RERE: variants seen among roughly 807,000 people sequenced by gnomAD.
The protein encoded by RERE is arginine-glutamic acid dipeptide repeats.
RERE carries 40 observed loss-of-function variants against 146.1 expected under a neutral mutation model. The observed-to-expected ratio is 0.27, with a 90% CI of 0.21 to 0.36. The LOEUF is 0.36. RERE is among the 10% of genes least tolerant of loss of function. RERE has a pLI of 1.00. For missense variants in RERE, 1,933 were observed against 2,138.7 expected (o/e 0.90, Z 1.90); for synonymous variants, 1,003 against 866.0 (o/e 1.16, Z -2.78).
intron 2 of RERE, among the ~76,000 whole-genome samples, chr1:8,641,286 T>TA (rs1398758298): frequency 2.6e-5 from 4 of 152,318 alleles, no homozygotes; most frequent in South Asian, 4.1e-4. Flanking sequence ...ACAAAACTGA[T>TA]AGAGTATAAC....
At chr1:8,502,366 G>A (rs1488548502) in intron 8 of RERE, among the ~76,000 whole-genome samples, 1 of 115,926 alleles carries the variant, frequency 8.6e-6, no homozygotes, top group Non-Finnish European at 1.8e-5. Flanking sequence ...CCGGCCAGCC[G>A]CCCTATCCAG....
chr1:8,422,921 G>A (rs1643931985), intron 11 of RERE, 114 bp from the exon 12 acceptor site: 7 of 771,028 alleles, frequency 9.1e-6, no homozygotes, highest in Admixed American at 8.2e-5. Flanking sequence ...TCTCGGCTAG[G>A]GAATACTGCC....
At position 8,606,200 on chromosome 1, in the gene RERE, G is replaced by C. The variant is rs377603058; in HGVS notation, c.522+8361C>G. ...CCATGTAATATGGTTGAAATTACAC[G>C]ACCTTTCAAACTTCCAGATACAGGT... On this transcript the variant is annotated intron_variant, in intron 4 of 22. Coordinates refer to ENST00000400908, the MANE Select transcript of RERE (RefSeq NM_001042681.2). Among the ~76,000 whole-genome samples the C allele has an allele frequency of 3.9e-5, 6 of 152,118 alleles. No homozygotes were observed. The East Asian group carries it at 1.2e-3, about 29-fold the overall frequency.
chr1:8,561,232 T>C (rs982732831), intron 4 of RERE, among the ~76,000 whole-genome samples: 1 of 152,198 alleles, frequency 6.6e-6, no homozygotes, highest in Admixed American at 6.5e-5. Flanking sequence ...TACTATGCAA[T>C]AACCAGGGAG....
chr1:8,401,558 G>A (rs1337068008), intron 12 of RERE, among the ~76,000 whole-genome samples: 1 of 151,890 alleles, frequency 6.6e-6, no homozygotes, highest in Admixed American at 6.6e-5. Flanking sequence ...CCAGAAATTC[G>A]AGGCCAGCCT....
At chr1:8,417,942 C>G (rs779032683) in intron 12 of RERE, among the ~76,000 whole-genome samples, 6 of 152,174 alleles carry the variant, frequency 3.9e-5, no homozygotes, top group Admixed American at 1.3e-4. Flanking sequence ...CAACCTGGGC[C>G]TGTCAAAAAT....
chr1:8,743,101 T>C (rs762643706), intron 1 of RERE, among the ~76,000 whole-genome samples: 5 of 151,936 alleles, frequency 3.3e-5, no homozygotes, highest in Non-Finnish European at 5.9e-5. Context: ...ATAATAAGTA[T>C]GCAGTCTATT....
chr1:8,565,534 C>T (rs1646143497), intron 4 of RERE, among the ~76,000 whole-genome samples: 2 of 152,216 alleles, frequency 1.3e-5, no homozygotes, highest in East Asian at 3.9e-4. Context: ...TGGTGAAACC[C>T]TGTCTCTACT....
At chr1:8,396,553 G>T (rs1643062409) in intron 12 of RERE, among the ~76,000 whole-genome samples, 1 of 152,166 alleles carries the variant, frequency 6.6e-6, no homozygotes, top group Admixed American at 6.5e-5. Context: ...AACGGAAGCA[G>T]TCAGCCGTCT....
chr1:8,793,975 C>T (rs1049219715), intron 1 of RERE, among the ~76,000 whole-genome samples: 1 of 151,394 alleles, frequency 6.6e-6, no homozygotes, highest in East Asian at 1.9e-4. Context: ...GGCTGAGGCA[C>T]GAGAATCGCT....
intron 7 of RERE, among the ~76,000 whole-genome samples, chr1:8,514,098 T>C (rs1210760505): frequency 1.3e-5 from 2 of 152,224 alleles, no homozygotes; most frequent in Non-Finnish European, 2.9e-5. Context: ...AGAGAAGCTG[T>C]CAGGCTCAGA....
rs1187957118 is a variant in RERE at position 8,664,086 on chromosome 1, AAAGGC to A, written c.-144-7650_-144-7646del. On this transcript the variant is annotated intron_variant, in intron 1 of 22. Transcript: ENST00000400908. ...CTTCCCCACTAACTGCAAAGTCCAC[AAAGGC>A]AAGGACCATGTCTACCATGTCATAT... Among the ~76,000 whole-genome samples the A allele has an allele frequency of 3.3e-5, 5 of 152,320 alleles. No individual in the cohort carries two copies. The East Asian group carries it at 9.6e-4, about 29-fold the overall frequency.
intron 1 of RERE, among the ~76,000 whole-genome samples, chr1:8,667,449 G>A (rs533931416): frequency 2.4e-4 from 37 of 152,338 alleles, no homozygotes; most frequent in Admixed American, 9.8e-4. Context: ...GCCGAGGCAG[G>A]AGGATCACCT....
intron 1 of RERE, among the ~76,000 whole-genome samples, chr1:8,695,496 TCC>T (rs1639307345): frequency 6.9e-6 from 1 of 144,866 alleles, no homozygotes; most frequent in Non-Finnish European, 1.5e-5. Context: ...ATGCCTATAA[TCC>T]CAGCATTTTG....
At chr1:8,813,561 G>GTAT in intron 1 of RERE, among the ~76,000 whole-genome samples, 1 of 149,962 alleles carries the variant, frequency 6.7e-6, no homozygotes, top group East Asian at 2.0e-4. Context: ...TATCTGTTCA[G>GTAT]TATTACACAT....
Position 8,354,825 on chromosome 1 carries a change from C to T in RERE, c.*262G>A, listed in dbSNP as rs1481505507. 1 of 478,648 alleles carries T rather than the reference C, an allele frequency of 2.1e-6. No homozygotes were observed. Among genetic ancestry groups the T allele is most frequent in the Non-Finnish European group, 3.6e-6 (1 of 274,542 alleles). 29.7% of individuals were successfully genotyped at this position (478,648 alleles called of 1,614,324 possible). ...GCCAAACCCCAAGATTGCAGGGAAGCTTTCTGGATGTTCAGTCCAGTCCAG... is the reference window on the plus strand; with the variant it reads ...GCCAAACCCCAAGATTGCAGGGAAGTTTTCTGGATGTTCAGTCCAGTCCAG... On this transcript the variant is annotated 3_prime_UTR_variant, in exon 23 of 23. Coordinates refer to ENST00000400908, the MANE Select transcript of RERE (RefSeq NM_001042681.2).
chr1:8,758,036 A>C (rs1640679404), intron 1 of RERE, among the ~76,000 whole-genome samples: 1 of 152,192 alleles, frequency 6.6e-6, no homozygotes. Flanking sequence ...CAGACATAGA[A>C]AGACAGATAC....
intron 1 of RERE, among the ~76,000 whole-genome samples, chr1:8,663,690 CCATTTAAAGCATACAATT>C (rs1014118354): frequency 3.3e-5 from 5 of 152,148 alleles, no homozygotes; most frequent in South Asian, 2.1e-4. Flanking sequence ...ATATGAATCA[CCATTTAAAGCATACAATT>C]CATTTAAAGC....
At chr1:8,605,351 C>T (rs558258346) in intron 4 of RERE, among the ~76,000 whole-genome samples, 7 of 152,288 alleles carry the variant, frequency 4.6e-5, no homozygotes, top group African/African-American at 1.7e-4. Flanking sequence ...CCAGTATGGT[C>T]TCAATCTCCT....
Sources: allele counts gnomAD v4.1 joint callset (sites outside exome capture counted in the v4.1 genomes callset), GRCh38; gene constraint gnomAD v4.1.1; transcripts MANE v1.5; gene names NCBI Gene and HGNC (gene_info 2026-07-23, HGNC 2026-07-21).